Variants in GLG1 observed in about 807,000 individuals in gnomAD.
GLG1 encodes Golgi apparatus protein 1.
A neutral mutation model predicts 160.5 loss-of-function variants in GLG1; 38 were observed. The observed-to-expected ratio is 0.24, with a 90% CI of 0.18 to 0.31. The LOEUF is 0.31. GLG1 is among the 10% of genes least tolerant of loss of function. The probability of loss-of-function intolerance (pLI) is 1.00; values close to 1 mark genes in which losing one functional copy is unlikely to be tolerated. For missense variants in GLG1, 1,373 were observed against 1,505.2 expected (o/e 0.91, Z 1.45); for synonymous variants, 644 against 543.4 (o/e 1.19, Z -2.57).
At chr16:74,546,208 G>A (rs1265051796) in intron 1 of GLG1, among the ~76,000 whole-genome samples, 1 of 152,170 alleles carries the variant, frequency 6.6e-6, no homozygotes, top group East Asian at 1.9e-4. Flanking sequence ...GGAAGCTGAG[G>A]TGGGCAGACT....
intron 4 of GLG1, among the ~76,000 whole-genome samples, chr16:74,498,068 C>G (rs938211374): frequency 6.6e-6 from 1 of 152,218 alleles, no homozygotes. Flanking sequence ...GAGTCCTAAT[C>G]TATACTTACA....
rs1199357397 is a variant in GLG1 at position 74,592,420 on chromosome 16, C to T, written c.438+14237G>A. On this transcript the variant is annotated intron_variant, in intron 1 of 25. Coordinates refer to ENST00000422840, the MANE Select transcript of GLG1 (RefSeq NM_001145667.2). ...TGGCCTCCCCAAGTGCTGAGAGCCA[C>T]TGCACCCGGACTGTTTATATAAATG... Among the ~76,000 whole-genome samples the T allele has an allele frequency of 3.3e-5, 5 of 152,224 alleles. No homozygotes were observed. The East Asian group carries it at 9.7e-4, about 29-fold the overall frequency.
intron 20 of GLG1, chr16:74,462,858 G>C (rs528072366): frequency 1.8e-6 from 1 of 555,486 alleles, no homozygotes; most frequent in Non-Finnish European, 3.2e-6. Flanking sequence ...TACTCTGCGG[G>C]GTTTTGTGCA....
In GLG1 at chr16:74,459,736, C is replaced by T; in HGVS notation, c.3090G>A (p.Val1030=). 2 of 1,611,066 alleles carry T rather than the reference C, an allele frequency of 1.2e-6. No individual in the cohort carries two copies. The highest frequency in any genetic ancestry group is 8.5e-7 in the Non-Finnish European group (1 of 1,177,760). ...EAAAQEQTGQ[V]EECLKVNLLK... is the part of the protein sequence containing the mutation. Reference sequence around the variant, plus strand: ...GCAGGTTGACCTTGAGGCACTCCTCCACCTGACCTGTCTGCTCTTGGGCTG... The same window carrying T: ...GCAGGTTGACCTTGAGGCACTCCTCTACCTGACCTGTCTGCTCTTGGGCTG... Residue 1030 remains valine (V), a synonymous_variant, in exon 23 of 26, where the codon GTG becomes GTA. Transcript: ENST00000422840.
At chr16:74,512,651 T>G (rs190179485) in intron 2 of GLG1, among the ~76,000 whole-genome samples, 93 of 148,812 alleles carry the variant, frequency 6.2e-4, no homozygotes, top group African/African-American at 2.2e-3. Context: ...GACATCCTTC[T>G]AGGTAATGGG....
chr16:74,479,400 G>C (rs1051659696), intron 11 of GLG1, among the ~76,000 whole-genome samples: 1 of 151,298 alleles, frequency 6.6e-6, no homozygotes, highest in African/African-American at 2.4e-5. Context: ...AAAGATGCCG[G>C]GATGTGGGAG....
Position 74,599,619 on chromosome 16 carries a change from C to G in GLG1, c.438+7038G>C, listed in dbSNP as rs1210845278. The stretch of plus-strand genomic sequence containing the variant: ...GTGGCTCACGCCTGTCATCTCAGCA[C>G]TTTCGGAGGCCGAGGTGGGCAGATC... On this transcript the variant is annotated intron_variant, in intron 1 of 25. Coordinates refer to ENST00000422840, the MANE Select transcript of GLG1 (RefSeq NM_001145667.2). Among the ~76,000 whole-genome samples the G allele has an allele frequency of 4.6e-5, 7 of 152,264 alleles. No individual in the cohort carries two copies. The East Asian group carries it at 1.4e-3, about 29-fold the overall frequency.
intron 1 of GLG1, among the ~76,000 whole-genome samples, chr16:74,566,594 C>T (rs569957244): frequency 6.7e-6 from 1 of 149,830 alleles, no homozygotes; most frequent in Non-Finnish European, 1.5e-5. Context: ...TTCATTCTCT[C>T]GAAGAGTTAA....
chr16:74,582,007 C>T (rs961697695), intron 1 of GLG1, among the ~76,000 whole-genome samples: 2 of 152,188 alleles, frequency 1.3e-5, no homozygotes, highest in Admixed American at 6.5e-5. Context: ...TCCTCTCTTG[C>T]GTAGCATTTT....
At chr16:74,569,840 C>A (rs963744840) in intron 1 of GLG1, among the ~76,000 whole-genome samples, 1 of 138,482 alleles carries the variant, frequency 7.2e-6, no homozygotes, top group African/African-American at 2.7e-5. Context: ...CTAGCCTGGG[C>A]GACAGATTGA....
chr16:74,509,225 T>C (rs1032286155), intron 2 of GLG1, among the ~76,000 whole-genome samples: 3 of 138,474 alleles, frequency 2.2e-5, no homozygotes, highest in African/African-American at 8.1e-5. Flanking sequence ...CAGGCTGGAG[T>C]GCAACGGCGT....
chr16:74,465,603 A>C, intron 19 of GLG1, 73 bp downstream of exon 19: 1 of 1,460,042 alleles, frequency 6.8e-7, no homozygotes, highest in Non-Finnish European at 9.5e-7. Flanking sequence ...GAGCCTGAGG[A>C]AGTTGCTGCC....
intron 25 of GLG1, among the ~76,000 whole-genome samples, chr16:74,453,686 G>C (rs76765278): frequency 0.018 from 2,808 of 152,254 alleles, 33 homozygotes; most frequent in Non-Finnish European, 0.027. Context: ...AGCCTAGCAA[G>C]CAGATTTCAC....
chr16:74,488,105 A>G (rs752917849), intron 8 of GLG1, among the ~76,000 whole-genome samples: 11 of 152,188 alleles, frequency 7.2e-5, no homozygotes, highest in Non-Finnish European at 1.3e-4. Flanking sequence ...ACTGAACAAG[A>G]TGATAATTAT....
intron 1 of GLG1, among the ~76,000 whole-genome samples, chr16:74,578,952 T>C (rs777654391): frequency 7.9e-5 from 12 of 152,378 alleles, no homozygotes; most frequent in Middle Eastern, 3.4e-3. Flanking sequence ...TCTGCATTTA[T>C]GTCTGCATTT....
chr16:74,506,081 A>ATTTTT (rs71376213), intron 3 of GLG1, among the ~76,000 whole-genome samples: 3 of 101,922 alleles, frequency 2.9e-5, no homozygotes, highest in African/African-American at 3.8e-5. Context: ...CCTGGAAAAG[A>ATTTTT]TTTTTTTTTT....
chr16:74,513,644 G>A (rs1269962882), intron 2 of GLG1, among the ~76,000 whole-genome samples: 1 of 152,084 alleles, frequency 6.6e-6, no homozygotes, highest in Non-Finnish European at 1.5e-5. Flanking sequence ...GACCCCATTC[G>A]TAGGTCACCA....
chr16:74,516,202 G>A (rs2016973580), intron 2 of GLG1, among the ~76,000 whole-genome samples: 1 of 151,640 alleles, frequency 6.6e-6, no homozygotes, highest in African/African-American at 2.4e-5. Flanking sequence ...GCACCAAGCA[G>A]ACCTAATAGA....
At position 74,606,991 on chromosome 16, in the gene GLG1, A is replaced by G. The variant is rs1283115896; in HGVS notation, c.104T>C (p.Val35Ala). The change falls in exon 1 of 26, where the codon GTC (valine) becomes GCC (alanine). Residue 35 changes from valine to alanine, a missense_variant. Val to Ala is a moderately conservative substitution (Grantham distance 64). Transcript: ENST00000422840. The part of the protein sequence containing the change: ...AGAEKLPGQG[V>A]HSQGQGPGAN... ...CCCGGGACCCTGGCCCTGGCTGTGG[A>G]CGCCCTGGCCGGGGAGTTTCTCGGC... 3.7e-6 allele frequency: 6 copies of G among 1,606,654 alleles called. No homozygotes were observed. The highest frequency in any genetic ancestry group is 3.3e-5 in the South Asian group (3 of 90,584).
Sources: gnomAD v4.1 joint callset for allele counts (sites outside exome capture counted in the v4.1 genomes callset) on GRCh38, gnomAD v4.1.1 for gene constraint, MANE v1.5 for transcripts, NCBI Gene and HGNC (gene_info 2026-07-23, HGNC 2026-07-21) for gene names.